LARP1B: variants seen among roughly 807,000 people sequenced by gnomAD.
The protein encoded by LARP1B is La ribonucleoprotein 1B.
In LARP1B, 76 loss-of-function variants were observed where a neutral mutation model predicts 114.2. The ratio of observed to expected loss-of-function variants is 0.67; its 90% CI spans 0.55 to 0.81. The LOEUF (loss-of-function observed/expected upper bound fraction) is 0.81. Among genes scored for constraint, LARP1B ranks in the 30% least tolerant of loss-of-function variants. The pLI is 0.00. For synonymous variants in LARP1B, 345 were observed against 348.0 expected, an observed-to-expected ratio of 0.99 and a Z score of 0.10; for missense variants, 1,014 against 1,075.8, an observed-to-expected ratio of 0.94 and a Z score of 0.80.
At chr4:128,105,290 G>C (rs1478172176) in intron 8 of LARP1B, among the ~76,000 whole-genome samples, 1 of 152,080 alleles carries the variant, frequency 6.6e-6, no homozygotes, top group African/African-American at 2.4e-5. Flanking sequence ...GATTAGATTA[G>C]TCTGTTCTTG....
At chr4:128,081,215 A>G (rs1206096232) in intron 4 of LARP1B, among the ~76,000 whole-genome samples, 2 of 151,054 alleles carry the variant, frequency 1.3e-5, no homozygotes, top group African/African-American at 4.9e-5. Context: ...AGTAGCTGGG[A>G]CTACAGGCAT....
intron 5 of LARP1B, among the ~76,000 whole-genome samples, chr4:128,083,807 C>A (rs1159436848): frequency 6.6e-6 from 1 of 151,196 alleles, no homozygotes; most frequent in African/African-American, 2.4e-5. Flanking sequence ...GGGCTGACCC[C>A]CCCACCTCCC....
intron 8 of LARP1B, among the ~76,000 whole-genome samples, chr4:128,098,747 G>GTGTGTGTGTGTATATA: frequency 6.4e-5 from 1 of 15,594 alleles, no homozygotes; most frequent in South Asian, 4.9e-3. Flanking sequence ...ATATGTATGT[G>GTGTGTGTGTGTATATA]TATATATATA....
At chr4:128,095,040 C>T (rs951238990) in intron 7 of LARP1B, among the ~76,000 whole-genome samples, 2 of 152,104 alleles carry the variant, frequency 1.3e-5, no homozygotes, top group Non-Finnish European at 2.9e-5. Context: ...CGTGAGCCAC[C>T]GTGCCCTGCA....
chr4:128,082,508 T>A (rs1561105658), intron 5 of LARP1B, among the ~76,000 whole-genome samples: 1 of 152,206 alleles, frequency 6.6e-6, no homozygotes, highest in East Asian at 1.9e-4. Context: ...ATTAATACAA[T>A]GTGATTGTCC....
chr4:128,065,299 TTCTTTCTTTCTTTCTTTCTCTCTC>T lies in LARP1B; in HGVS notation c.-78+3902_-78+3925del, dbSNP rs1219547145. ...TTTCTTTCTTTCTTTCTTTCTTTCTTTCTTTCTTTCTTTCTTTCTCTCTCTCTCTCTCTTTCCTTTCTTTTCTTT... is the reference window on the plus strand; with the variant it reads ...TTTCTTTCTTTCTTTCTTTCTTTCTTTCTCTCTCTTTCCTTTCTTTTCTTT... On this transcript the variant is annotated intron_variant, in intron 1 of 19. Transcript: ENST00000326639. Among the ~76,000 whole-genome samples, 6 of 128,200 alleles carry T rather than the reference TTCTTTCTTTCTTTCTTTCTCTCTC, an allele frequency of 4.7e-5. 1 individual carries two copies. Among genetic ancestry groups the T allele is most frequent in the South Asian group, 5.1e-4 (2 of 3,954 alleles). The allele number at this position is 128,200 out of a possible 152,430, so 84.1% of individuals were successfully genotyped here. A position where few individuals can be genotyped will look rare whatever the true frequency, so the allele number is the denominator to read the frequency against.
At chr4:128,157,557 C>T (rs1423365620) in intron 11 of LARP1B, among the ~76,000 whole-genome samples, 1 of 152,042 alleles carries the variant, frequency 6.6e-6, no homozygotes, top group Non-Finnish European at 1.5e-5. Flanking sequence ...CCATATAAAA[C>T]AACTGAAAAC....
At chr4:128,095,835 CTGTG>C in intron 7 of LARP1B, among the ~76,000 whole-genome samples, 2 of 152,002 alleles carry the variant, frequency 1.3e-5, no homozygotes, top group African/African-American at 4.8e-5. Context: ...AAAACTTTCT[CTGTG>C]ATTTGGAAAT....
intron 15 of LARP1B, among the ~76,000 whole-genome samples, chr4:128,184,178 A>C (rs1039414184): frequency 5.9e-5 from 9 of 152,218 alleles, no homozygotes; most frequent in Non-Finnish European, 1.2e-4. Flanking sequence ...AAGGAGTTCT[A>C]CTGTGGGTAA....
intron 6 of LARP1B, among the ~76,000 whole-genome samples, chr4:128,219,066 A>C (rs1252584551): frequency 3.4e-5 from 5 of 147,916 alleles, no homozygotes; most frequent in Non-Finnish European, 6.0e-5. Flanking sequence ...ACTGGCCATC[A>C]GAGAAATGCA....
At chr4:128,084,545 G>C (rs1772527719) in intron 5 of LARP1B, among the ~76,000 whole-genome samples, 1 of 152,086 alleles carries the variant, frequency 6.6e-6, no homozygotes, top group Non-Finnish European at 1.5e-5. Flanking sequence ...GAATCAGGCA[G>C]GGAGGTTGCA....
intron 1 of LARP1B, chr4:128,069,018 C>T (rs1764156098): frequency 5.9e-6 from 5 of 854,394 alleles, no homozygotes; most frequent in Non-Finnish European, 8.9e-6. Flanking sequence ...CTTATATTGG[C>T]TGTAACGGTG....
chr4:128,061,737 A>G (rs928003084), intron 1 of LARP1B: 30 of 984,738 alleles, frequency 3.0e-5, no homozygotes, highest in Non-Finnish European at 2.2e-5. Flanking sequence ...TCTCGGGAGG[A>G]TCCGCCCGCG....
At position 128,200,655 on chromosome 4, in the gene LARP1B, G is replaced by A. The variant is rs140602523; in HGVS notation, c.2299G>A (p.Glu767Lys). 790 of 1,574,754 alleles carry A rather than the reference G, an allele frequency of 5.0e-4. 3 individuals are homozygous for A. In the African/African-American group the frequency reaches 9.7e-3, roughly 19 times the overall value. ...ACAACTTGCTTGGGAAGATGCAAAAGAAAATTACAGGTCAGATATTTTCTT... is the reference window on the plus strand; with the variant it reads ...ACAACTTGCTTGGGAAGATGCAAAAAAAAATTACAGGTCAGATATTTTCTT... Reference protein sequence around the residue: ...FRQLAWEDAKENYRYGLECLF... With the variant: ...FRQLAWEDAKKNYRYGLECLF... Residue 767 changes from glutamate (E) to lysine (K), a missense_variant, in exon 17 of 20, where the codon GAA becomes AAA. Glu to Lys is a moderately conservative substitution (Grantham distance 56). Transcript: ENST00000326639.
At chr4:128,176,202 ATTATATAT>A (rs1745957153) in intron 12 of LARP1B, among the ~76,000 whole-genome samples, 4 of 144,226 alleles carry the variant, frequency 2.8e-5, no homozygotes, top group Admixed American at 7.1e-5. Context: ...ATTTTTATAT[ATTATATAT>A]TTATATATAA....
intron 5 of LARP1B, among the ~76,000 whole-genome samples, chr4:128,087,317 T>C (rs1774007626): frequency 1.3e-5 from 2 of 152,242 alleles, no homozygotes; most frequent in Admixed American, 1.3e-4. Flanking sequence ...TATAGTTTTC[T>C]GCTGAAATCT....
Position 128,194,682 on chromosome 4 carries a change from CAAAAAAAAAAA to C in LARP1B, c.2004-4738_2004-4728del, listed in dbSNP as rs56843140. ...TGGGCGACAGAGCAAGACTCTGTCT[CAAAAAAAAAAA>C]AAAAAAAAAAAAAAAAAAGTTTTCT... On this transcript the variant is annotated intron_variant, in intron 15 of 19. Transcript: ENST00000326639. 7.7e-4 allele frequency among the ~76,000 whole-genome samples: 20 copies of C among 25,912 alleles called. No individual in the cohort carries two copies. The South Asian group carries it at 0.028, about 37-fold the overall frequency. 17.0% of individuals were successfully genotyped at this position (25,912 alleles called of 152,430 possible).
intron 11 of LARP1B, among the ~76,000 whole-genome samples, chr4:128,130,928 T>C (rs902316901): frequency 6.6e-6 from 1 of 152,216 alleles, no homozygotes; most frequent in Non-Finnish European, 1.5e-5. Flanking sequence ...AAAGCCTATT[T>C]GAAAAGACTA....
Position 128,162,196 on chromosome 4 carries a change from A to G in LARP1B, c.1527A>G (p.Gln509=). The change falls in exon 12 of 20, where the codon CAA becomes CAG. Residue 509 remains glutamine, a splice_region_variant and synonymous_variant. Transcript: ENST00000326639. ...EDENKHTAIK[Q]EVENFKKLNL... is the part of the protein sequence containing the mutation. ...TAGATTCCTCCATTCTACTTCAGCA[A>G]GAAGTTGAGAACTTTAAGAAGCTAA... 1 of 1,611,810 alleles carries G rather than the reference A, an allele frequency of 6.2e-7. No homozygotes were observed. Among genetic ancestry groups the G allele is most frequent in the Non-Finnish European group, 8.5e-7 (1 of 1,178,584 alleles).
Sources: gnomAD v4.1 joint callset for allele counts (sites outside exome capture counted in the v4.1 genomes callset) on GRCh38, gnomAD v4.1.1 for gene constraint, MANE v1.5 for transcripts, NCBI Gene and HGNC (gene_info 2026-07-23, HGNC 2026-07-21) for gene names.